The following NFIB variants were observed in gnomAD, a reference collection of about 807,000 sequenced individuals.
NFIB encodes nuclear factor I B.
NFIB carries 11 observed loss-of-function variants against 61.5 expected under a neutral mutation model. The observed-to-expected ratio is 0.18, with a 90% CI of 0.11 to 0.30. The LOEUF (loss-of-function observed/expected upper bound fraction) is 0.30, where lower values mean the gene tolerates loss of function less well. Ranked by LOEUF, NFIB falls within the 10% of genes least tolerant of loss-of-function variation. The pLI, the probability that NFIB is intolerant of heterozygous loss-of-function variation, is 1.00. For synonymous variants in NFIB, 260 were observed against 216.5 expected (o/e 1.20, Z -1.76); for missense variants, 471 against 608.9 (o/e 0.77, Z 2.38).
At chr9:14,372,986 G>A (rs1416710862) in intron 1 of NFIB, among the ~76,000 whole-genome samples, 1 of 152,044 alleles carries the variant, frequency 6.6e-6, no homozygotes, top group African/African-American at 2.4e-5. Flanking sequence ...GGGAACGGTG[G>A]TGGGGGGTGG....
chr9:14,436,856 G>T, the NFIB span, among the ~76,000 whole-genome samples: 1 of 152,212 alleles, frequency 6.6e-6, no homozygotes, highest in African/African-American at 2.4e-5. Flanking sequence ...AATGGATCAT[G>T]ATTTCACACA....
In NFIB at chr9:14,307,559, TC is replaced by T. The variant is rs2060080300; in HGVS notation, c.31-40del. The T allele has an allele frequency of 6.6e-7, 1 of 1,505,110 alleles. No individual in the cohort carries two copies. Among genetic ancestry groups the T allele is most frequent in the Non-Finnish European group, 8.9e-7 (1 of 1,127,688 alleles). The allele number at this position is 1,505,110 out of a possible 1,614,324, so 93.2% of individuals were successfully genotyped here. ...AGGGGTGAGGAAAAGATGTGCATAGTCAGTTTAATTTTAAAAGCTCAAAAAA... is the reference window on the plus strand; with the variant it reads ...AGGGGTGAGGAAAAGATGTGCATAGTAGTTTAATTTTAAAAGCTCAAAAAA... On this transcript the variant is annotated intron_variant, in intron 1 of 10. Transcript: ENST00000380953. The surrounding 1 kb of genome is among the most constrained non-coding windows in gnomAD (Gnocchi z 5.3).
At chr9:14,270,100 C>T (rs1408898478) in intron 2 of NFIB, among the ~76,000 whole-genome samples, 1 of 152,152 alleles carries the variant, frequency 6.6e-6, no homozygotes, top group African/African-American at 2.4e-5. Flanking sequence ...ACACAGCTGT[C>T]TCAAGCCACT....
intron 2 of NFIB, among the ~76,000 whole-genome samples, chr9:14,258,771 C>A (rs1398939107): frequency 6.6e-6 from 1 of 152,176 alleles, no homozygotes; most frequent in Admixed American, 6.5e-5. Flanking sequence ...GGATGTCATT[C>A]CTTTTTAAAG....
At chr9:14,198,404 T>C (rs893190571) in intron 2 of NFIB, among the ~76,000 whole-genome samples, 3 of 152,252 alleles carry the variant, frequency 2.0e-5, no homozygotes, top group African/African-American at 4.8e-5. Flanking sequence ...AACAGGTTTT[T>C]AAAAGTTCAA....
chr9:14,429,555 G>A, the NFIB span, among the ~76,000 whole-genome samples: 2 of 152,220 alleles, frequency 1.3e-5, no homozygotes, highest in African/African-American at 4.8e-5. Context: ...AATTGTCAAT[G>A]TCTCATGCTT....
At chr9:14,379,371 G>A (rs777263307) in intron 1 of NFIB, among the ~76,000 whole-genome samples, 3 of 152,128 alleles carry the variant, frequency 2.0e-5, no homozygotes, top group Admixed American at 6.5e-5. Flanking sequence ...ATTGAATTAT[G>A]TTTCTGTGAA....
chr9:14,102,302 GCATAGCCAAAACAAC>G (rs1465325790), intron 10 of NFIB: 1 of 789,062 alleles, frequency 1.3e-6, no homozygotes, highest in Non-Finnish European at 2.0e-6. Flanking sequence ...AAGAAGAATG[GCATAGCCAAAACAAC>G]TAAATTTTTA....
intron 2 of NFIB, among the ~76,000 whole-genome samples, chr9:14,227,174 T>TAAAAG (rs1428419415): frequency 4.7e-5 from 7 of 148,586 alleles, no homozygotes; most frequent in African/African-American, 1.5e-4. Flanking sequence ...AAAAGTAAAG[T>TAAAAG]AAAAGAAAAG....
chr9:14,162,803 CA>C (rs1392390261), intron 3 of NFIB, among the ~76,000 whole-genome samples: 1 of 151,722 alleles, frequency 6.6e-6, no homozygotes, highest in Non-Finnish European at 1.5e-5. Context: ...ATATATTTTC[CA>C]AAAAAATTCA....
the NFIB span, among the ~76,000 whole-genome samples, chr9:14,419,076 G>C: frequency 2.4e-4 from 36 of 151,472 alleles, 2 homozygotes; most frequent in African/African-American, 8.5e-4. Context: ...CAAACAAAGA[G>C]GCTGGCTTAC....
intron 1 of NFIB, among the ~76,000 whole-genome samples, chr9:14,349,983 T>A (rs925886682): frequency 8.5e-5 from 13 of 152,180 alleles, no homozygotes; most frequent in African/African-American, 3.1e-4. Flanking sequence ...GGCTTTGGAT[T>A]GCCCATGATC....
At chr9:14,200,028 G>C (rs1315485800) in intron 2 of NFIB, among the ~76,000 whole-genome samples, 1 of 152,166 alleles carries the variant, frequency 6.6e-6, no homozygotes, top group Admixed American at 6.5e-5. Flanking sequence ...GCTGCTAACA[G>C]AGTGAATCCA....
chr9:14,168,554 G>C (rs1405181574), intron 3 of NFIB, among the ~76,000 whole-genome samples: 1 of 152,204 alleles, frequency 6.6e-6, no homozygotes, highest in Non-Finnish European at 1.5e-5. Flanking sequence ...CATATTGTAT[G>C]TCATGCTAAC....
chr9:14,461,566 G>T, the NFIB span, among the ~76,000 whole-genome samples: 4 of 152,110 alleles, frequency 2.6e-5, no homozygotes, highest in Admixed American at 2.0e-4. Flanking sequence ...TCATCAATCA[G>T]CTCACCCCTT....
rs567428761 is a variant in NFIB at position 14,171,591 on chromosome 9, T to C, written c.616+8136A>G. ...AGAATATGAATGAATATGTGGAGGA[T>C]AAGGAAGAAAAAGGGTTCCTGGGAA... On this transcript the variant is annotated intron_variant, in intron 3 of 10. Transcript: ENST00000380953. Among the ~76,000 whole-genome samples the C allele has an allele frequency of 1.2e-3, 176 of 152,208 alleles. 2 individuals are homozygous for C. The highest frequency in any genetic ancestry group is 4.1e-3 in the African/African-American group (170 of 41,534).
At chr9:14,252,826 G>A (rs925229180) in intron 2 of NFIB, among the ~76,000 whole-genome samples, 5 of 152,082 alleles carry the variant, frequency 3.3e-5, no homozygotes, top group Non-Finnish European at 7.3e-5. Context: ...ATCTCCTGCA[G>A]CAAAATATTG....
At chr9:14,268,769 TACTTC>T (rs2057396774) in intron 2 of NFIB, among the ~76,000 whole-genome samples, 1 of 152,264 alleles carries the variant, frequency 6.6e-6, no homozygotes, top group South Asian at 2.1e-4. Context: ...GAACAGGGAT[TACTTC>T]ATTGGTCTTC....
At chr9:14,256,204 T>C (rs1351033805) in intron 2 of NFIB, among the ~76,000 whole-genome samples, 1 of 152,198 alleles carries the variant, frequency 6.6e-6, no homozygotes, top group Non-Finnish European at 1.5e-5. Context: ...ACTAATCAAA[T>C]TCCAGAGAGA....
Sources: gnomAD v4.1 joint callset for allele counts (sites outside exome capture counted in the v4.1 genomes callset) on GRCh38, gnomAD v4.1.1 for gene constraint, Gnocchi (gnomAD v3.1) non-coding constraint, MANE v1.5 for transcripts, NCBI Gene and HGNC (gene_info 2026-07-23, HGNC 2026-07-21) for gene names.